RAB22A: variants seen among roughly 807,000 people sequenced by gnomAD.
RAB22A encodes ras-related protein Rab-22A.
RAB22A carries 13 observed loss-of-function variants against 30.2 expected under a neutral mutation model. The ratio of observed to expected loss-of-function variants is 0.43; its 90% confidence interval spans 0.28 to 0.68. The LOEUF (loss-of-function observed/expected upper bound fraction) is 0.68. RAB22A is among the 30% of genes least tolerant of loss of function. The pLI, the probability that RAB22A is intolerant of heterozygous loss-of-function variation, is 0.18. For missense variants in RAB22A, 177 were observed against 246.8 expected (o/e 0.72, Z 1.89); for synonymous variants, 89 against 87.2 (o/e 1.02, Z -0.11).
intron 6 of RAB22A, among the ~76,000 whole-genome samples, chr20:58,356,765 C>T (rs1987135757): frequency 6.6e-6 from 1 of 152,182 alleles, no homozygotes; most frequent in Non-Finnish European, 1.5e-5. Context: ...TTCTTTCATT[C>T]TGCATTACAT....
At chr20:58,326,502 GT>G (rs1286335745) in intron 2 of RAB22A, among the ~76,000 whole-genome samples, 6 of 151,950 alleles carry the variant, frequency 3.9e-5, no homozygotes, top group African/African-American at 1.4e-4. Flanking sequence ...GTTTTGTTTT[GT>G]TTTTTATTAA....
At chr20:58,342,419 A>G (rs1229105271) in intron 2 of RAB22A, among the ~76,000 whole-genome samples, 1 of 152,214 alleles carries the variant, frequency 6.6e-6, no homozygotes, top group East Asian at 1.9e-4. Flanking sequence ...AATTCATTGT[A>G]TCAGAGTTGA....
intron 2 of RAB22A, among the ~76,000 whole-genome samples, chr20:58,334,018 A>G (rs180863715): frequency 5.0e-4 from 76 of 152,154 alleles, no homozygotes; most frequent in Non-Finnish European, 2.2e-4. Context: ...TTATTGTGCC[A>G]TTACACTTCT....
chr20:58,357,188 A>G (rs1850481846), intron 6 of RAB22A, among the ~76,000 whole-genome samples: 1 of 152,182 alleles, frequency 6.6e-6, no homozygotes, highest in African/African-American at 2.4e-5. Flanking sequence ...GTAGTCAGTG[A>G]TCTCCATTTT....
At chr20:58,346,524 C>T (rs1986952184) in intron 3 of RAB22A, among the ~76,000 whole-genome samples, 1 of 152,216 alleles carries the variant, frequency 6.6e-6, no homozygotes, top group South Asian at 2.1e-4. Flanking sequence ...CTTTTAGTGT[C>T]AGGTTAAATG....
chr20:58,336,987 C>T (rs1986767259), intron 2 of RAB22A, among the ~76,000 whole-genome samples: 2 of 152,144 alleles, frequency 1.3e-5, no homozygotes, highest in Non-Finnish European at 2.9e-5. Context: ...AATGGGACCC[C>T]CCTGGGGGTC....
intron 2 of RAB22A, 115 bp downstream of exon 2, chr20:58,311,237 G>C: frequency 1.0e-6 from 1 of 974,746 alleles, no homozygotes; most frequent in Non-Finnish European, 1.6e-6. Context: ...TGAGTCGCTG[G>C]TTCGCATCAT....
intron 2 of RAB22A, among the ~76,000 whole-genome samples, chr20:58,339,945 ACCT>A (rs1394094873): frequency 6.6e-6 from 1 of 151,954 alleles, no homozygotes; most frequent in Non-Finnish European, 1.5e-5. Context: ...GCCACAGGCA[ACCT>A]CCCCCTCCCA....
chr20:58,356,823 C>G (rs995425267), intron 6 of RAB22A, among the ~76,000 whole-genome samples: 1 of 152,192 alleles, frequency 6.6e-6, no homozygotes, highest in Non-Finnish European at 1.5e-5. Context: ...GATCCACTCT[C>G]ATGGCTGGTT....
chr20:58,332,683 T>C (rs1826119054), intron 2 of RAB22A, among the ~76,000 whole-genome samples: 1 of 152,120 alleles, frequency 6.6e-6, no homozygotes, highest in Non-Finnish European at 1.5e-5. Flanking sequence ...AGGAAAAGAA[T>C]AATTCAAGAG....
intron 6 of RAB22A, among the ~76,000 whole-genome samples, chr20:58,354,741 G>T (rs1286247692): frequency 6.6e-6 from 1 of 152,130 alleles, no homozygotes; most frequent in African/African-American, 2.4e-5. Context: ...AGGGGCTGCT[G>T]CATGCCTTTG....
At position 58,310,031 on chromosome 20, in the gene RAB22A, G is replaced by A; in HGVS notation, c.36+19G>A. ...GCTCGGGGTGAGTGGCGGCGGGTCCGGCCGGGAGGGCCACGGGAGGCTGGG... is the reference window on the plus strand; with the variant it reads ...GCTCGGGGTGAGTGGCGGCGGGTCCAGCCGGGAGGGCCACGGGAGGCTGGG... On this transcript the variant is annotated intron_variant, in intron 1 of 6. Coordinates refer to ENST00000244040, the MANE Select transcript of RAB22A (RefSeq NM_020673.3). The A allele has an allele frequency of 6.3e-6, 8 of 1,266,154 alleles. No homozygotes were observed. The highest frequency in any genetic ancestry group is 8.0e-6 in the Non-Finnish European group (8 of 999,564). 78.4% of individuals were successfully genotyped at this position (1,266,154 alleles called of 1,614,324 possible).
At chr20:58,319,443 T>C (rs1038575678) in intron 2 of RAB22A, among the ~76,000 whole-genome samples, 4 of 152,234 alleles carry the variant, frequency 2.6e-5, no homozygotes, top group Non-Finnish European at 4.4e-5. Context: ...AGTACAATAT[T>C]GTGTTCATTG....
At chr20:58,340,259 T>C (rs471661) in intron 2 of RAB22A, among the ~76,000 whole-genome samples, 47,896 of 151,986 alleles carry the variant, frequency 0.32, 7,758 homozygotes, top group South Asian at 0.46. Context: ...GTGACTTTGC[T>C]GTAACTCCTG....
At position 58,353,355 on chromosome 20, in the gene RAB22A, A is replaced by G; in HGVS notation, c.270+11A>G. 1.2e-6 allele frequency: 2 copies of G among 1,612,532 alleles called. No individual in the cohort carries two copies. The highest frequency in any genetic ancestry group is 1.1e-5 in the South Asian group (1 of 90,876). ...GATATCACAAAAGAAGTAAGACTAT[A>G]TAGTTTTCTTTAGATTGTTTTGAAA... On this transcript the variant is annotated intron_variant, in intron 4 of 6. Coordinates refer to ENST00000244040, the MANE Select transcript of RAB22A (RefSeq NM_020673.3).
intron 2 of RAB22A, among the ~76,000 whole-genome samples, chr20:58,331,003 G>A (rs1986652461): frequency 1.3e-5 from 2 of 152,178 alleles, no homozygotes; most frequent in African/African-American, 4.8e-5. Flanking sequence ...TGGCAGCCCT[G>A]AACCTCATCC....
intron 2 of RAB22A, among the ~76,000 whole-genome samples, chr20:58,335,698 C>G (rs2122949974): frequency 6.6e-6 from 1 of 152,240 alleles, no homozygotes; most frequent in South Asian, 2.1e-4. Context: ...TGGGTCTATC[C>G]TTGTTTTGTA....
chr20:58,343,020 G>A (rs1410548746), intron 2 of RAB22A, among the ~76,000 whole-genome samples: 3 of 152,176 alleles, frequency 2.0e-5, no homozygotes. Context: ...CCTGGGCAGA[G>A]TAGCTCCCTG....
chr20:58,356,126 C>T (rs754040677), intron 6 of RAB22A, among the ~76,000 whole-genome samples: 3 of 152,102 alleles, frequency 2.0e-5, no homozygotes, highest in Non-Finnish European at 2.9e-5. Flanking sequence ...GCCTGGCCAA[C>T]ATGGTGAAAC....
Sources: allele counts gnomAD v4.1 joint callset (sites outside exome capture counted in the v4.1 genomes callset), GRCh38; gene constraint gnomAD v4.1.1; transcripts MANE v1.5; gene names NCBI Gene and HGNC (gene_info 2026-07-23, HGNC 2026-07-21).